Variants in SCAMP1 observed in about 807,000 individuals in gnomAD.
SCAMP1 encodes the protein secretory carrier membrane protein 1.
Under a neutral mutation model 41.8 loss-of-function variants are expected in SCAMP1, and 15 were observed. The ratio of observed to expected loss-of-function variants is 0.36; its 90% confidence interval spans 0.24 to 0.55. The LOEUF is 0.55. SCAMP1 is among the 20% of genes least tolerant of loss of function. SCAMP1 has a pLI of 0.86. For missense variants in SCAMP1, 341 were observed against 412.6 expected (o/e 0.83, Z 1.50); for synonymous variants, 135 against 136.8 (o/e 0.99, Z 0.09).
At chr5:78,468,790 G>T (rs6861678) in intron 8 of SCAMP1, among the ~76,000 whole-genome samples, 2 of 152,050 alleles carry the variant, frequency 1.3e-5, no homozygotes, top group Non-Finnish European at 2.9e-5. Flanking sequence ...GTCTATGATA[G>T]AGAACACTGT....
chr5:78,470,624 T>C (rs1181908600), intron 8 of SCAMP1, among the ~76,000 whole-genome samples: 2 of 152,196 alleles, frequency 1.3e-5, no homozygotes, highest in African/African-American at 4.8e-5. Context: ...AACATTGGTG[T>C]ACAGTTATCT....
rs374123851 is a variant in SCAMP1, at chr5:78,390,629, G to A, written c.135+1715G>A. On this transcript the variant is annotated intron_variant, in intron 2 of 8. Coordinates refer to ENST00000621999, the MANE Select transcript of SCAMP1 (RefSeq NM_004866.6). ...AACAAGACCATTTTTAAACTTTGTC[G>A]ATAAAGAATGAAAAGAGATTTTTTT... is the stretch of plus-strand genomic sequence containing the variant. 1.1e-3 allele frequency among the ~76,000 whole-genome samples: 165 copies of A among 151,544 alleles called. 1 individual carries two copies. Among genetic ancestry groups the A allele is most frequent in the African/African-American group, 3.1e-3 (128 of 41,370 alleles).
chr5:78,450,451 A>G (rs1319365086), intron 7 of SCAMP1, among the ~76,000 whole-genome samples: 6 of 152,212 alleles, frequency 3.9e-5, no homozygotes, highest in Admixed American at 2.6e-4. Flanking sequence ...ATATACGAAT[A>G]TACATGGACA....
intron 2 of SCAMP1, among the ~76,000 whole-genome samples, chr5:78,401,209 T>C (rs1751788658): frequency 6.6e-6 from 1 of 152,148 alleles, no homozygotes; most frequent in African/African-American, 2.4e-5. Flanking sequence ...TTGTATGTGA[T>C]TCGTTTCATA....
intron 6 of SCAMP1, among the ~76,000 whole-genome samples, chr5:78,442,128 C>G (rs1752939165): frequency 6.6e-6 from 1 of 151,602 alleles, no homozygotes. Flanking sequence ...GACCTTGTCT[C>G]AAAAAAAGAA....
intron 2 of SCAMP1, among the ~76,000 whole-genome samples, chr5:78,409,857 T>C (rs1752027299): frequency 5.9e-5 from 9 of 152,202 alleles, no homozygotes; most frequent in Admixed American, 5.9e-4. Context: ...CTGGGTACAT[T>C]CTTGGGTAAT....
chr5:78,416,831 T>C (rs1299121901), intron 4 of SCAMP1, among the ~76,000 whole-genome samples, 182 bp downstream of exon 4: 2 of 152,222 alleles, frequency 1.3e-5, no homozygotes, highest in Admixed American at 6.5e-5. Flanking sequence ...TTGGCTGATT[T>C]GCATAGTCTT....
intron 2 of SCAMP1, among the ~76,000 whole-genome samples, chr5:78,397,710 C>T (rs1751686852): frequency 6.6e-6 from 1 of 152,156 alleles, no homozygotes. Flanking sequence ...CATTTGAGGT[C>T]AGGAGTTCAA....
chr5:78,402,022 AT>A (rs74870189), intron 2 of SCAMP1, among the ~76,000 whole-genome samples: 47,139 of 151,078 alleles, frequency 0.31, 7,907 homozygotes, highest in East Asian at 0.54. Flanking sequence ...TAAGATGTAC[AT>A]TTTTTTTTCC....
At chr5:78,402,523 G>A (rs73132318) in intron 2 of SCAMP1, among the ~76,000 whole-genome samples, 4,322 of 152,174 alleles carry the variant, frequency 0.028, 221 homozygotes, top group African/African-American at 0.097. Flanking sequence ...TGTACATTAA[G>A]GAATGCTATG....
At chr5:78,436,755 G>A (rs1258354894) in intron 6 of SCAMP1, among the ~76,000 whole-genome samples, 2 of 152,084 alleles carry the variant, frequency 1.3e-5, no homozygotes, top group Non-Finnish European at 2.9e-5. Flanking sequence ...TTCCAATTCT[G>A]TGAAGAAAGT....
intron 1 of SCAMP1, among the ~76,000 whole-genome samples, chr5:78,380,107 A>T (rs1172056401): frequency 6.6e-6 from 1 of 152,198 alleles, no homozygotes; most frequent in Admixed American, 6.5e-5. Context: ...CACTCAGCCC[A>T]TAGCACTTTT....
At chr5:78,431,329 G>A (rs1251456780) in intron 6 of SCAMP1, among the ~76,000 whole-genome samples, 13 of 149,356 alleles carry the variant, frequency 8.7e-5, no homozygotes, top group African/African-American at 2.5e-4. Context: ...TTTTGCAGAC[G>A]CAACTATAGG....
chr5:78,450,026 G>C lies in SCAMP1; in HGVS notation c.726G>C (p.Trp242Cys). ...TCCAAGCTGCAGGATTTCATAACTG[G>C]GGCAATTGGTAAGTTTTTTTTTTTA... Reference protein sequence around the residue: ...HVLQAAGFHNWGNCGWISSLT... With the variant: ...HVLQAAGFHNCGNCGWISSLT... The change falls in exon 7 of 9, where the codon TGG (tryptophan) becomes TGC (cysteine). Residue 242 changes from tryptophan to cysteine, a missense_variant. Coordinates refer to ENST00000621999, the MANE Select transcript of SCAMP1 (RefSeq NM_004866.6). 6.5e-7 allele frequency: 1 copy of C among 1,543,708 alleles called. No individual in the cohort carries two copies. The highest frequency in any genetic ancestry group is 8.7e-7 in the Non-Finnish European group (1 of 1,143,586).
At chr5:78,362,963 A>G (rs528790773) in intron 1 of SCAMP1, among the ~76,000 whole-genome samples, 1 of 145,570 alleles carries the variant, frequency 6.9e-6, no homozygotes, top group East Asian at 2.0e-4. Flanking sequence ...CGTGATCTCA[A>G]CTCACCACAA....
At chr5:78,430,893 A>G (rs904481119) in intron 6 of SCAMP1, among the ~76,000 whole-genome samples, 4 of 152,040 alleles carry the variant, frequency 2.6e-5, no homozygotes, top group African/African-American at 4.8e-5. Flanking sequence ...TGTAGTTAGT[A>G]TTTGTTACAA....
intron 2 of SCAMP1, among the ~76,000 whole-genome samples, chr5:78,397,854 C>T (rs1751690376): frequency 6.6e-6 from 1 of 152,158 alleles, no homozygotes; most frequent in African/African-American, 2.4e-5. Flanking sequence ...AAAAAATGTT[C>T]AACATTGTTA....
chr5:78,384,171 G>GTTTTTTTTTTTTTTTTT lies in SCAMP1; in HGVS notation c.58-4658_58-4657insTTTTTTTTTTTTTTTTT, dbSNP rs772536603. Among the ~76,000 whole-genome samples the GTTTTTTTTTTTTTTTTT allele has an allele frequency of 4.4e-5, 3 of 68,848 alleles. 1 individual carries two copies. The allele number at this position is 68,848 out of a possible 152,430, so 45.2% of individuals were successfully genotyped here. ...CCTCTTTGGTTAGGTATATTCCCAA[G>GTTTTTTTTTTTTTTTTT]TTTTTTTTCTTTTTTTTTTTTTGCA... On this transcript the variant is annotated intron_variant, in intron 1 of 8. Coordinates refer to ENST00000621999, the MANE Select transcript of SCAMP1 (RefSeq NM_004866.6).
At chr5:78,412,468 A>G (rs551442893) in intron 2 of SCAMP1, among the ~76,000 whole-genome samples, 2 of 152,012 alleles carry the variant, frequency 1.3e-5, no homozygotes, top group South Asian at 4.1e-4. Context: ...AATTTAAATA[A>G]TTCTCCCAAC....
Sources: allele counts gnomAD v4.1 joint callset (sites outside exome capture counted in the v4.1 genomes callset), GRCh38; gene constraint gnomAD v4.1.1; transcripts MANE v1.5; gene names NCBI Gene and HGNC (gene_info 2026-07-23, HGNC 2026-07-21).